Variants in TRDN observed in about 807,000 individuals in gnomAD.
The protein encoded by TRDN is triadin in skeletal muscle.
A neutral mutation model predicts 149.7 loss-of-function variants in TRDN; 161 were observed. That is an observed-to-expected ratio of 1.08 (90% CI 0.95 to 1.23). TRDN has a LOEUF of 1.23. Among genes scored for constraint, TRDN ranks in the 50% most tolerant of loss-of-function variants. The pLI, the probability that TRDN is intolerant of heterozygous loss-of-function variation, is 0.00. For missense variants in TRDN, 896 were observed against 823.5 expected (o/e 1.09, Z -1.08); for synonymous variants, 294 against 250.5 (o/e 1.17, Z -1.64).
At chr6:123,395,478 A>T (rs1447834715) in intron 12 of TRDN, among the ~76,000 whole-genome samples, 1 of 152,084 alleles carries the variant, frequency 6.6e-6, no homozygotes, top group Non-Finnish European at 1.5e-5. Flanking sequence ...TTACCTCTTT[A>T]ATAACCTTAG....
chr6:123,573,656 C>G (rs755552979), intron 1 of TRDN, among the ~76,000 whole-genome samples: 1 of 152,000 alleles, frequency 6.6e-6, no homozygotes, highest in Non-Finnish European at 1.5e-5. Flanking sequence ...GCTTGTAATA[C>G]AGGCAAAGAG....
intron 2 of TRDN, among the ~76,000 whole-genome samples, chr6:123,561,132 T>C (rs1388262803): frequency 6.6e-6 from 1 of 152,164 alleles, no homozygotes; most frequent in Non-Finnish European, 1.5e-5. Flanking sequence ...GCCACTGTGG[T>C]CATTTCTTCC....
intron 13 of TRDN, among the ~76,000 whole-genome samples, chr6:123,391,831 A>G (rs1772485167): frequency 6.6e-6 from 1 of 152,088 alleles, no homozygotes; most frequent in Non-Finnish European, 1.5e-5. Flanking sequence ...ATACTTCAAA[A>G]AATCAGTCTA....
chr6:123,266,392 TGA>T (rs1776978119), intron 32 of TRDN, among the ~76,000 whole-genome samples: 1 of 108,376 alleles, frequency 9.2e-6, no homozygotes, highest in African/African-American at 4.0e-5. Flanking sequence ...ATATATATTA[TGA>T]TATGTATTAT....
intron 1 of TRDN, among the ~76,000 whole-genome samples, chr6:123,632,572 T>C (rs574889707): frequency 2.0e-5 from 3 of 152,228 alleles, no homozygotes; most frequent in Admixed American, 2.0e-4. Flanking sequence ...AGCTTTCTAA[T>C]GTCAGTTTTA....
chr6:123,352,926 T>C lies in TRDN; in HGVS notation c.1322-340A>G, dbSNP rs74365635. 3.4e-3 allele frequency among the ~76,000 whole-genome samples: 524 copies of C among 151,984 alleles called. 19 individuals are homozygous for C. In the East Asian group the frequency reaches 0.08, roughly 23 times the overall value. ...CCAGGTTATTGCTGGAGTCATTTAG[T>C]GTCTTGTAAATGTCAACTAGATGCT... On this transcript the variant is annotated intron_variant, in intron 20 of 40. Transcript: ENST00000334268.
At chr6:123,454,170 C>T (rs1368086514) in intron 10 of TRDN, among the ~76,000 whole-genome samples, 2 of 151,878 alleles carry the variant, frequency 1.3e-5, no homozygotes, top group Admixed American at 6.6e-5. Context: ...ACTACAAATA[C>T]GGTGCAGTGT....
intron 1 of TRDN, among the ~76,000 whole-genome samples, chr6:123,585,255 G>T (rs1783401172): frequency 6.6e-6 from 1 of 151,762 alleles, no homozygotes; most frequent in Admixed American, 6.6e-5. Context: ...TTTAGTTAAA[G>T]TGTCTCGGCC....
chr6:123,581,699 C>T (rs1783129714), intron 1 of TRDN, among the ~76,000 whole-genome samples: 1 of 152,104 alleles, frequency 6.6e-6, no homozygotes, highest in Non-Finnish European at 1.5e-5. Flanking sequence ...TCAAGAGAAT[C>T]TCATAAGAAC....
chr6:123,503,457 T>C (rs995969019), intron 8 of TRDN: 2 of 985,132 alleles, frequency 2.0e-6, no homozygotes, highest in Admixed American at 6.2e-5. Context: ...CCAATCTTTA[T>C]ATGATTTCGG....
At chr6:123,441,704 G>A (rs1027213652) in intron 10 of TRDN, among the ~76,000 whole-genome samples, 2 of 152,080 alleles carry the variant, frequency 1.3e-5, no homozygotes, top group East Asian at 3.9e-4. Context: ...TGTTTTTTAT[G>A]CCATCTCAAA....
intron 4 of TRDN, among the ~76,000 whole-genome samples, chr6:123,544,929 C>A (rs1781040077): frequency 6.6e-6 from 1 of 151,914 alleles, no homozygotes; most frequent in South Asian, 2.1e-4. Flanking sequence ...GATTAGTCGA[C>A]TACACCATTA....
intron 1 of TRDN, among the ~76,000 whole-genome samples, chr6:123,572,548 A>C (rs1782637592): frequency 6.6e-6 from 1 of 152,134 alleles, no homozygotes; most frequent in South Asian, 2.1e-4. Flanking sequence ...TGGAACAACT[A>C]TTTCATGTTA....
At chr6:123,547,304 G>A in intron 4 of TRDN, 36 bp downstream of exon 4, 1 of 1,321,866 alleles carries the variant, frequency 7.6e-7, no homozygotes, top group Non-Finnish European at 1.0e-6. Context: ...TACCATAAGA[G>A]AAAAATAATT....
intron 9 of TRDN, among the ~76,000 whole-genome samples, chr6:123,469,273 T>C (rs938555109): frequency 6.6e-6 from 1 of 152,206 alleles, no homozygotes; most frequent in Non-Finnish European, 1.5e-5. Context: ...GCTAAGGTTG[T>C]GTGTTAATAG....
At chr6:123,630,616 A>G (rs1322924965) in intron 1 of TRDN, among the ~76,000 whole-genome samples, 1 of 151,978 alleles carries the variant, frequency 6.6e-6, no homozygotes, top group Admixed American at 6.6e-5. Context: ...AATAAGAAAC[A>G]TTTAAGCTCA....
intron 12 of TRDN, among the ~76,000 whole-genome samples, chr6:123,433,768 T>C (rs1774438575): frequency 6.6e-6 from 1 of 152,124 alleles, no homozygotes; most frequent in South Asian, 2.1e-4. Context: ...CAAATTTAAC[T>C]CCTAAAAGTT....
chr6:123,611,436 A>G (rs1022270424), intron 1 of TRDN, among the ~76,000 whole-genome samples: 1 of 152,168 alleles, frequency 6.6e-6, no homozygotes, highest in Non-Finnish European at 1.5e-5. Flanking sequence ...AATAATTTTT[A>G]TGTATTATCC....
chr6:123,624,861 G>A (rs1191559294), intron 1 of TRDN, among the ~76,000 whole-genome samples: 3 of 151,976 alleles, frequency 2.0e-5, no homozygotes, highest in Non-Finnish European at 4.4e-5. Context: ...GGGATGACAG[G>A]GAACTAGGAA....
Sources: allele counts gnomAD v4.1 joint callset (sites outside exome capture counted in the v4.1 genomes callset), GRCh38; gene constraint gnomAD v4.1.1; transcripts MANE v1.5; gene names NCBI Gene and HGNC (gene_info 2026-07-23, HGNC 2026-07-21).